Variants in CHODL observed in about 807,000 individuals in gnomAD.
CHODL encodes the protein chondrolectin, also known as transmembrane protein MT75.
A neutral mutation model predicts 34.5 loss-of-function variants in CHODL; 29 were observed. That is an observed-to-expected ratio of 0.84 (90% CI 0.63 to 1.15). CHODL has a LOEUF of 1.15. Among genes scored for constraint, CHODL ranks in the 50% most tolerant of loss-of-function variants. The pLI, the probability that CHODL is intolerant of heterozygous loss-of-function variation, is 0.00. For missense variants in CHODL, 332 were observed against 332.5 expected (o/e 1.00, Z 0.01); for synonymous variants, 125 against 116.1 (o/e 1.08, Z -0.49).
intron 2 of CHODL, among the ~76,000 whole-genome samples, chr21:18,191,119 T>G (rs2073505760): frequency 6.6e-6 from 1 of 152,156 alleles, no homozygotes; most frequent in Admixed American, 6.5e-5. Flanking sequence ...TACAAAATTA[T>G]CAACTTCATC....
At chr21:18,263,622 T>C (rs996483131) in intron 5 of CHODL, among the ~76,000 whole-genome samples, 2 of 152,142 alleles carry the variant, frequency 1.3e-5, no homozygotes, top group African/African-American at 4.8e-5. Context: ...AATATAAATA[T>C]GTATCAAAAG....
Position 18,256,731 on chromosome 21 carries a change from T to C in CHODL, c.302T>C (p.Ile101Thr). 2 of 1,614,078 alleles carry C rather than the reference T, an allele frequency of 1.2e-6. No individual in the cohort carries two copies. The highest frequency in any genetic ancestry group is 1.7e-6 in the Non-Finnish European group (2 of 1,179,978). The change falls in exon 2 of 6, where the codon ATA becomes ACA. Residue 101 changes from isoleucine to threonine, a missense_variant. Coordinates refer to ENST00000299295, the MANE Select transcript of CHODL (RefSeq NM_024944.3). ...GTGISDGDFW[I>T]GLWRNGDGQT... ...GGGATTTCTGATGGTGATTTCTGGA[T>C]AGGGCTTTGGAGGAATGGAGATGGG...
At chr21:18,058,039 A>C (rs1206843089) in intron 2 of CHODL, among the ~76,000 whole-genome samples, 1 of 152,118 alleles carries the variant, frequency 6.6e-6, no homozygotes, top group Non-Finnish European at 1.5e-5. Flanking sequence ...AACTATAGTC[A>C]TCCTACAGTT....
chr21:17,961,777 A>G (rs964192452), intron 1 of CHODL, among the ~76,000 whole-genome samples: 5 of 152,098 alleles, frequency 3.3e-5, no homozygotes, highest in Non-Finnish European at 7.4e-5. Flanking sequence ...AATATACGGT[A>G]AAAAAGTGGC....
At chr21:18,234,400 G>A (rs894397350) in intron 2 of CHODL, among the ~76,000 whole-genome samples, 11 of 151,946 alleles carry the variant, frequency 7.2e-5, no homozygotes, top group Non-Finnish European at 1.3e-4. Context: ...CACAGCTGGC[G>A]TTTAAGCCAG....
At chr21:17,980,826 G>A (rs1312023027) in intron 1 of CHODL, among the ~76,000 whole-genome samples, 1 of 152,190 alleles carries the variant, frequency 6.6e-6, no homozygotes, top group African/African-American at 2.4e-5. Flanking sequence ...GTGTTGGGAT[G>A]AGGATAGGAG....
chr21:18,026,765 G>A (rs1231179077), intron 1 of CHODL, among the ~76,000 whole-genome samples: 5 of 152,130 alleles, frequency 3.3e-5, no homozygotes, highest in East Asian at 1.9e-4. Context: ...ATCCTAAGTC[G>A]TTTCTGGAAT....
intron 2 of CHODL, among the ~76,000 whole-genome samples, chr21:18,121,912 C>T (rs190501451): frequency 6.6e-6 from 1 of 152,202 alleles, no homozygotes; most frequent in Admixed American, 6.5e-5. Flanking sequence ...TCCCCTTTTC[C>T]CATTTTTCGA....
intron 2 of CHODL, among the ~76,000 whole-genome samples, chr21:18,106,508 T>G (rs1019473664): frequency 1.3e-5 from 2 of 150,994 alleles, no homozygotes; most frequent in African/African-American, 4.9e-5. Flanking sequence ...TTTCTTTTTT[T>G]TTTTTGAGAT....
At chr21:17,997,514 T>C (rs950334058) in intron 1 of CHODL, among the ~76,000 whole-genome samples, 2 of 152,198 alleles carry the variant, frequency 1.3e-5, no homozygotes, top group African/African-American at 4.8e-5. Flanking sequence ...AGATTCTATG[T>C]AGACCTTGTG....
rs573785195 is a variant in CHODL, at chr21:18,184,542, A to G, written c.-44-71967A>G. 1.4e-4 allele frequency among the ~76,000 whole-genome samples: 21 copies of G among 152,344 alleles called. No individual in the cohort carries two copies. The South Asian group carries it at 3.9e-3, about 29-fold the overall frequency. ...TATGTGTTTGATATAAAATTTCTAC[A>G]TAATCCCCAAGTATATAAAACAATA... On this transcript the variant is annotated intron_variant, in intron 2 of 6. Coordinates refer to the CHODL transcript ENST00000400127.
At chr21:18,135,446 G>GAGT (rs1230097464) in intron 2 of CHODL, among the ~76,000 whole-genome samples, 2 of 151,980 alleles carry the variant, frequency 1.3e-5, no homozygotes, top group South Asian at 4.1e-4. Flanking sequence ...GGAAGCAATT[G>GAGT]AGTAGCCTCA....
intron 1 of CHODL, among the ~76,000 whole-genome samples, chr21:17,933,651 A>C (rs1261161519): frequency 1.4e-5 from 2 of 143,206 alleles, no homozygotes; most frequent in African/African-American, 4.8e-5. Flanking sequence ...CTACACAGAC[A>C]CAGTAACAAT....
chr21:18,065,070 G>A (rs2064715034), intron 2 of CHODL, among the ~76,000 whole-genome samples: 1 of 152,138 alleles, frequency 6.6e-6, no homozygotes, highest in African/African-American at 2.4e-5. Context: ...TAGCATTCAT[G>A]GGTAGGCTCT....
intron 2 of CHODL, among the ~76,000 whole-genome samples, chr21:18,116,990 A>G (rs1035535956): frequency 5.3e-5 from 8 of 152,212 alleles, no homozygotes; most frequent in African/African-American, 1.9e-4. Context: ...TTCAGCAAGT[A>G]GTGACACTGA....
intron 1 of CHODL, among the ~76,000 whole-genome samples, chr21:18,026,199 G>A (rs568215265): frequency 1.3e-5 from 2 of 152,282 alleles, no homozygotes; most frequent in South Asian, 4.1e-4. Flanking sequence ...AGTAAGTTGA[G>A]TGACAAATAC....
chr21:18,265,310 C>CATACAT (rs1555887740), intron 5 of CHODL, among the ~76,000 whole-genome samples: 10 of 147,150 alleles, frequency 6.8e-5, no homozygotes, highest in African/African-American at 2.5e-4. Flanking sequence ...CACACACACA[C>CATACAT]ATATATATAT....
chr21:18,177,556 CACAA>C (rs1287788226), intron 2 of CHODL, among the ~76,000 whole-genome samples: 2 of 152,104 alleles, frequency 1.3e-5, no homozygotes, highest in African/African-American at 4.8e-5. Flanking sequence ...CAATCTACTT[CACAA>C]ACAAATTATC....
chr21:17,971,420 G>A lies in CHODL; in HGVS notation c.-145+54020G>A, dbSNP rs548519063. ...GTTGTTTCCTGACTTTTTAATGATCGCCATTCTAACTGGCATGAGACGTTA... is the reference window on the plus strand; with the variant it reads ...GTTGTTTCCTGACTTTTTAATGATCACCATTCTAACTGGCATGAGACGTTA... On this transcript the variant is annotated intron_variant, in intron 1 of 6. Transcript: ENST00000400127. Among the ~76,000 whole-genome samples, 353 of 152,070 alleles carry A rather than the reference G, an allele frequency of 2.3e-3. 2 individuals carry two copies. Among genetic ancestry groups the A allele is most frequent in the African/African-American group, 7.8e-3 (324 of 41,474 alleles).
Sources: gnomAD v4.1 joint callset for allele counts (sites outside exome capture counted in the v4.1 genomes callset) on GRCh38, gnomAD v4.1.1 for gene constraint, MANE v1.5 for transcripts, NCBI Gene and HGNC (gene_info 2026-07-23, HGNC 2026-07-21) for gene names.